The following DOCK5 variants were observed in gnomAD, a reference collection of about 807,000 sequenced individuals.
DOCK5 encodes dedicator of cytokinesis protein 5.
DOCK5 carries 142 observed loss-of-function variants against 251.8 expected under a neutral mutation model. The observed-to-expected ratio is 0.56, with a 90% CI of 0.49 to 0.65. The LOEUF (loss-of-function observed/expected upper bound fraction) is 0.65. Among genes scored for constraint, DOCK5 ranks in the 30% least tolerant of loss-of-function variants. The probability of loss-of-function intolerance (pLI) is 0.00; values close to 1 mark genes in which losing one functional copy is unlikely to be tolerated. For synonymous variants in DOCK5, 842 were observed against 835.5 expected (o/e 1.01, Z -0.13); for missense variants, 2,111 against 2,312.3 (o/e 0.91, Z 1.79).
At chr8:25,198,099 T>C (rs1351754396) in intron 1 of DOCK5, among the ~76,000 whole-genome samples, 7 of 152,272 alleles carry the variant, frequency 4.6e-5, no homozygotes, top group African/African-American at 1.7e-4. Flanking sequence ...TGGAGACTAA[T>C]TCCCTCTTGA....
chr8:25,396,372 T>C (rs903789604), intron 45 of DOCK5, among the ~76,000 whole-genome samples: 3 of 152,124 alleles, frequency 2.0e-5, no homozygotes, highest in African/African-American at 7.2e-5. Flanking sequence ...CGGAATTAGC[T>C]TCTAGGACCC....
chr8:25,228,121 C>T (rs1041062710), intron 1 of DOCK5, among the ~76,000 whole-genome samples: 8 of 152,154 alleles, frequency 5.3e-5, no homozygotes, highest in Non-Finnish European at 8.8e-5. Context: ...AAGCGATCTG[C>T]CTGCCTTGGC....
chr8:25,366,384 G>C (rs112633350), intron 30 of DOCK5, among the ~76,000 whole-genome samples: 2 of 152,068 alleles, frequency 1.3e-5, no homozygotes, highest in Non-Finnish European at 2.9e-5. Flanking sequence ...CCAGATACTC[G>C]TCAGGATAAG....
chr8:25,374,618 T>C lies in DOCK5; in HGVS notation c.3780T>C (p.Ala1260=). ...GAGACTGTGAGAACTACACAGAAGC[T>C]GCCTACACGCTTCTCTTGCACGCTG... ...LHRDCENYTE[A]AYTLLLHAEL... is the part of the protein sequence containing the mutation. Residue 1260 remains alanine (A), a synonymous_variant, in exon 37 of 52, where the codon GCT becomes GCC. Coordinates refer to ENST00000276440, the MANE Select transcript of DOCK5 (RefSeq NM_024940.8). 1 of 1,613,792 alleles carries C rather than the reference T, an allele frequency of 6.2e-7. No individual in the cohort carries two copies. Among genetic ancestry groups the C allele is most frequent in the Non-Finnish European group, 8.5e-7 (1 of 1,179,832 alleles).
chr8:25,284,705 G>A (rs2136831), intron 5 of DOCK5, among the ~76,000 whole-genome samples: 1 of 152,236 alleles, frequency 6.6e-6, no homozygotes, highest in Admixed American at 6.5e-5. Context: ...CAGTGACTTA[G>A]ACACGGTCGG....
chr8:25,222,710 C>T (rs1586240480), intron 1 of DOCK5, among the ~76,000 whole-genome samples: 1 of 152,350 alleles, frequency 6.6e-6, no homozygotes, highest in South Asian at 2.1e-4. Context: ...GGGCTCCTGG[C>T]AGCCCTGGGC....
chr8:25,233,417 T>C (rs1186559552), intron 1 of DOCK5, among the ~76,000 whole-genome samples: 2 of 152,226 alleles, frequency 1.3e-5, no homozygotes, highest in African/African-American at 4.8e-5. Flanking sequence ...CAAACTGATA[T>C]TTCCAACCCA....
In DOCK5 at chr8:25,300,624, A is replaced by G; in HGVS notation, c.813A>G (p.Ile271Met). ...RWGSNGMPKE[I>M]EKLNNLQAVF... ...GCAGTAACGGGATGCCCAAGGAAAT[A>G]GAGAAGCTCAATAACCTCCAAGCAG... Residue 271 changes from isoleucine to methionine, a missense_variant, in exon 9 of 52, where the codon ATA (isoleucine) becomes ATG (methionine). Around this residue, in one of 3 missense-constraint regions of DOCK5, gnomAD observed 59 missense variants for 95.0 expected, o/e 0.62. Transcript: ENST00000276440. 6.2e-7 allele frequency: 1 copy of G among 1,613,492 alleles called. No homozygotes were observed. The highest frequency in any genetic ancestry group is 8.5e-7 in the Non-Finnish European group (1 of 1,179,692).
At chr8:25,219,706 G>GTT (rs35000316) in intron 1 of DOCK5, among the ~76,000 whole-genome samples, 23,101 of 144,940 alleles carry the variant, frequency 0.16, 1,983 homozygotes, top group Admixed American at 0.25. Context: ...TGGGGTCCGT[G>GTT]TTTTTTTTTT....
At chr8:25,349,531 A>C (rs985181088) in intron 26 of DOCK5, among the ~76,000 whole-genome samples, 2 of 152,222 alleles carry the variant, frequency 1.3e-5, no homozygotes, top group Admixed American at 6.5e-5. Context: ...GTGTCCATTG[A>C]CCAATGAGTG....
intron 40 of DOCK5, among the ~76,000 whole-genome samples, chr8:25,384,459 A>ATTTT (rs1208387306): frequency 6.1e-5 from 4 of 65,704 alleles, no homozygotes; most frequent in East Asian, 4.4e-4. Context: ...TTATTTATTT[A>ATTTT]TTTATTTTTT....
chr8:25,184,852 G>A lies in DOCK5; in HGVS notation c.-57G>A, dbSNP rs1339879299. On this transcript the variant is annotated 5_prime_UTR_variant, in exon 1 of 52. Transcript: ENST00000276440. ...CAGGAGCGCGGGGCGGCGGCGGCCGGAGCCCGAGGAGCTGTAGCAGCCTTA... is the reference window on the plus strand; with the variant it reads ...CAGGAGCGCGGGGCGGCGGCGGCCGAAGCCCGAGGAGCTGTAGCAGCCTTA... The A allele has an allele frequency of 9.4e-6, 12 of 1,280,734 alleles. No individual in the cohort carries two copies. The Middle Eastern group carries it at 1.2e-3, about 123-fold the overall frequency. 79.3% of individuals were successfully genotyped at this position (1,280,734 alleles called of 1,614,324 possible).
chr8:25,325,696 G>C, intron 18 of DOCK5, 149 bp downstream of exon 18: 2 of 896,750 alleles, frequency 2.2e-6, no homozygotes, highest in Non-Finnish European at 3.3e-6. Context: ...CTTTTCAAGT[G>C]GTATTCTGGG....
intron 13 of DOCK5, among the ~76,000 whole-genome samples, chr8:25,315,610 T>C (rs1282450430): frequency 6.6e-6 from 1 of 152,268 alleles, no homozygotes; most frequent in Admixed American, 6.5e-5. Context: ...AAATCGAGAC[T>C]GTTTCCATGT....
intron 7 of DOCK5, among the ~76,000 whole-genome samples, chr8:25,296,944 C>T (rs901833637): frequency 2.0e-5 from 3 of 151,988 alleles, no homozygotes; most frequent in Middle Eastern, 3.2e-3. Flanking sequence ...TATACATAGA[C>T]TAACTCTGAA....
Position 25,392,805 on chromosome 8 carries a change from A to T in DOCK5, c.4450A>T (p.Ile1484Phe). The T allele has an allele frequency of 6.2e-7, 1 of 1,612,972 alleles. No homozygotes were observed. The highest frequency in any genetic ancestry group is 8.5e-7 in the Non-Finnish European group (1 of 1,179,494). Reference sequence around the variant, plus strand: ...TCCTTCTTGCCACCAGACGATGTGGATTGAACGGACCACGTATACGACTGC... The same window carrying T: ...TCCTTCTTGCCACCAGACGATGTGGTTTGAACGGACCACGTATACGACTGC... ...DPDNEFATMWIERTTYTTAYT... is the reference protein window; with the variant it reads ...DPDNEFATMWFERTTYTTAYT... The change falls in exon 44 of 52, where the codon ATT (isoleucine) becomes TTT (phenylalanine). Residue 1484 changes from isoleucine (I) to phenylalanine (F), a missense_variant. Transcript: ENST00000276440.
At chr8:25,318,125 G>A (rs1011315847) in intron 14 of DOCK5, among the ~76,000 whole-genome samples, 3 of 151,958 alleles carry the variant, frequency 2.0e-5, no homozygotes, top group Admixed American at 6.6e-5. Flanking sequence ...GTCTTGCACT[G>A]TCACCCAGGA....
rs566526189 is a variant in DOCK5 at position 25,301,078 on chromosome 8, G to A, written c.846+421G>A. ...GGAAAAATGACCTTAAAGTACAAGA[G>A]GAGTGATGCTGGCAATTCGGATATG... On this transcript the variant is annotated intron_variant, in intron 9 of 51. Coordinates refer to ENST00000276440, the MANE Select transcript of DOCK5 (RefSeq NM_024940.8). Among the ~76,000 whole-genome samples the A allele has an allele frequency of 3.3e-5, 5 of 151,788 alleles. No individual in the cohort carries two copies. In the South Asian group the frequency reaches 8.4e-4, roughly 25 times the overall value.
chr8:25,381,190 G>A (rs1004766537), intron 39 of DOCK5, among the ~76,000 whole-genome samples: 1 of 152,190 alleles, frequency 6.6e-6, no homozygotes, highest in Non-Finnish European at 1.5e-5. Flanking sequence ...TTCTAGTAGA[G>A]GAGTTAGAAA....
Sources: allele counts gnomAD v4.1 joint callset (sites outside exome capture counted in the v4.1 genomes callset), GRCh38; gene constraint gnomAD v4.1.1; regional missense constraint gnomAD v4.1.1; transcripts MANE v1.5; gene names NCBI Gene and HGNC (gene_info 2026-07-23, HGNC 2026-07-21).